Variants in MUC5B observed in about 807,000 individuals in gnomAD.
The protein encoded by MUC5B is mucin 5B, oligomeric mucus/gel-forming.
MUC5B carries 116 observed loss-of-function variants against 376.9 expected under a neutral mutation model. The observed-to-expected ratio is 0.31, with a 90% CI of 0.26 to 0.36. The LOEUF (loss-of-function observed/expected upper bound fraction) is 0.36, where lower values mean the gene tolerates loss of function less well. Among genes scored for constraint, MUC5B ranks in the 10% least tolerant of loss-of-function variants. The pLI is 1.00. For synonymous variants in MUC5B, 3,517 were observed against 3,390.9 expected (o/e 1.04, Z -1.29); for missense variants, 7,165 against 7,769.9 (o/e 0.92, Z 2.93).
chr11:1,223,537 A>G (rs1861807257), intron 1 of MUC5B: 1 of 410,582 alleles, frequency 2.4e-6, no homozygotes, highest in Non-Finnish European at 4.6e-6. Flanking sequence ...GTCTCTCTGG[A>G]GCCCCATGAG....
In MUC5B at chr11:1,256,717, C is replaced by A; in HGVS notation, c.16183C>A (p.Pro5395Thr). ...GGGGATGGCGGAGGGCTGCTTCTGCCCTGAGGACCAGATCCTCTTCAACGC... is the reference window on the plus strand; with the variant it reads ...GGGGATGGCGGAGGGCTGCTTCTGCACTGAGGACCAGATCCTCTTCAACGC... ...LEGMAEGCFC[P>T]EDQILFNAHM... The change falls in exon 39 of 49, where the codon CCT becomes ACT. Residue 5395 changes from proline to threonine, a missense_variant. Transcript: ENST00000529681. The A allele has an allele frequency of 6.4e-7, 1 of 1,564,998 alleles. No homozygotes were observed. The highest frequency in any genetic ancestry group is 1.9e-5 in the Admixed American group (1 of 52,478).
chr11:1,223,287 C>T lies in MUC5B; in HGVS notation c.70+94C>T, dbSNP rs759736424. The stretch of plus-strand genomic sequence containing the variant: ...CTGGGAGCTTCTCCTGCAGAGTGCA[C>T]GGGCAGATCCCCCTACGACTCCCTG... On this transcript the variant is annotated intron_variant, in intron 1 of 48. Transcript: ENST00000529681. 224 of 699,580 alleles carry T rather than the reference C, an allele frequency of 3.2e-4. 1 individual carries two copies. Among genetic ancestry groups the T allele is most frequent in the Admixed American group, 3.1e-3 (153 of 49,754 alleles). The allele number at this position is 699,580 out of a possible 1,614,324, so 43.3% of individuals were successfully genotyped here.
rs184426356 is a variant in MUC5B, at chr11:1,231,592, G to A, written c.1678+32G>A. On this transcript the variant is annotated intron_variant, in intron 14 of 48. Transcript: ENST00000529681. ...CTGGGCAGGGGCCTTCGGGGACAGG[G>A]CCATTGGGGACGGGGCCTGGACTAG... The A allele has an allele frequency of 4.4e-4, 677 of 1,545,384 alleles. 7 individuals carry two copies. The African/African-American group carries it at 8.3e-3, about 19-fold the overall frequency.
rs55943844 is a variant in MUC5B, at chr11:1,234,099, G to C, written c.2378-106G>C. On this transcript the variant is annotated intron_variant, in intron 19 of 48. Transcript: ENST00000529681. The surrounding 1 kb of genome is among the most constrained non-coding windows in gnomAD (Gnocchi z 6.3). ...GCAGGTGTCATGGAAGCTTTGGCTC[G>C]GGGGCTGTTAACTTGATCAGCAGGA... 3.1e-6 allele frequency: 3 copies of C among 976,234 alleles called. No homozygotes were observed. The allele number at this position is 976,234 out of a possible 1,614,324, so 60.5% of individuals were successfully genotyped here.
chr11:1,254,949 G>C, intron 35 of MUC5B, 69 bp downstream of exon 35: 1 of 847,662 alleles, frequency 1.2e-6, no homozygotes, highest in Non-Finnish European at 1.7e-6. Context: ...GAGCATAGGG[G>C]AAGCCTGGGG....
intron 7 of MUC5B, 121 bp from the exon 8 acceptor site, chr11:1,228,443 G>A: frequency 1.0e-6 from 1 of 961,648 alleles, no homozygotes; most frequent in Non-Finnish European, 1.5e-6. Context: ...GTGGGGCTGG[G>A]TACAAGGAAC....
Position 1,257,318 on chromosome 11 carries a change from T to TGAGG in MUC5B, c.16269+58_16269+61dup, listed in dbSNP as rs749117298. The TGAGG allele has an allele frequency of 3.8e-6, 3 of 792,026 alleles. No homozygotes were observed. The highest frequency in any genetic ancestry group is 2.7e-5 in the South Asian group (2 of 74,668). The allele number at this position is 792,026 out of a possible 1,614,324, so 49.1% of individuals were successfully genotyped here. Reference sequence around the variant, plus strand: ...TGCCCTACCCCACCCTCTCGCGAGCTGAGGGAGGGAGGGAAGGAGCATCCC... The same window carrying TGAGG: ...TGCCCTACCCCACCCTCTCGCGAGCTGAGGGAGGGAGGGAGGGAAGGAGCATCCC... On this transcript the variant is annotated intron_variant, in intron 40 of 48. Coordinates refer to ENST00000529681, the MANE Select transcript of MUC5B (RefSeq NM_002458.3). The surrounding 1 kb of genome is among the most constrained non-coding windows in gnomAD (Gnocchi z 8.9).
intron 11 of MUC5B, 114 bp downstream of exon 11, chr11:1,230,257 G>A (rs1380274799): frequency 2.8e-6 from 4 of 1,413,072 alleles, no homozygotes; most frequent in South Asian, 1.4e-5. Flanking sequence ...TCCCTGCTGA[G>A]GGGGGAGCCC....
intron 11 of MUC5B, 93 bp downstream of exon 11, chr11:1,230,236 A>G (rs935745720): frequency 4.1e-6 from 6 of 1,467,658 alleles, no homozygotes; most frequent in Non-Finnish European, 5.5e-6. Flanking sequence ...ATGGTCATAG[A>G]GGGGTGGATG....
chr11:1,256,183 A>T lies in MUC5B; in HGVS notation c.16094A>T (p.Tyr5365Phe), dbSNP rs772554531. The T allele has an allele frequency of 5.4e-6, 4 of 736,164 alleles. No individual in the cohort carries two copies. The highest frequency in any genetic ancestry group is 5.3e-5 in the East Asian group (2 of 38,078). 45.6% of individuals were successfully genotyped at this position (736,164 alleles called of 1,614,324 possible). A position where few individuals can be genotyped will look rare whatever the true frequency, so the allele number is the denominator to read the frequency against. The change falls in exon 38 of 49, where the codon TAC (tyrosine) becomes TTC (phenylalanine). Residue 5365 changes from tyrosine (Y) to phenylalanine (F), a missense_variant. Tyr to Phe is a conservative substitution (Grantham distance 22). Around this residue, in one of 31 missense-constraint regions of MUC5B, gnomAD observed 842 missense variants for 1,016.9 expected, o/e 0.83. Transcript: ENST00000529681. ...CTCACCTGCCCACCCACCAAAGTGTACAAGCCATGCGGCCCCATACAGCCT... is the reference window on the plus strand; with the variant it reads ...CTCACCTGCCCACCCACCAAAGTGTTCAAGCCATGCGGCCCCATACAGCCT... ...CDLTCPPTKV[Y>F]KPCGPIQPAT...
chr11:1,242,279 C>G lies in MUC5B; in HGVS notation c.5399C>G (p.Thr1800Ser). 6.2e-7 allele frequency: 1 copy of G among 1,613,900 alleles called. No individual in the cohort carries two copies. The highest frequency in any genetic ancestry group is 8.5e-7 in the Non-Finnish European group (1 of 1,179,890). ...WTEWFDVDFPTSGVAGGDMET... is the reference protein window; with the variant it reads ...WTEWFDVDFPSSGVAGGDMET... ...GAGTGGTTTGACGTGGACTTCCCAA[C>G]CTCAGGGGTTGCAGGCGGGGACATG... Residue 1800 changes from threonine (T) to serine (S), a missense_variant, in exon 31 of 49, where the codon ACC becomes AGC. Around this residue, in one of 31 missense-constraint regions of MUC5B, gnomAD observed 897 missense variants for 779.6 expected, o/e 1.15. Transcript: ENST00000529681.
Position 1,234,344 on chromosome 11 carries a change from G to T in MUC5B, c.2478+39G>T. Reference sequence around the variant, plus strand: ...TTCAGGGAGGGGTGGGCAGGGAAGGGGTCCCAGCTTTCCCAGCTCCCGAGC... The same window carrying T: ...TTCAGGGAGGGGTGGGCAGGGAAGGTGTCCCAGCTTTCCCAGCTCCCGAGC... On this transcript the variant is annotated intron_variant, in intron 20 of 48. Transcript: ENST00000529681. The surrounding 1 kb of genome is among the most constrained non-coding windows in gnomAD (Gnocchi z 6.3). 6.5e-7 allele frequency: 1 copy of T among 1,538,326 alleles called. No homozygotes were observed. Among genetic ancestry groups the T allele is most frequent in the East Asian group, 2.4e-5 (1 of 42,440 alleles).
At chr11:1,224,482 G>A (rs1404591729) in intron 1 of MUC5B, among the ~76,000 whole-genome samples, 2 of 142,014 alleles carry the variant, frequency 1.4e-5, no homozygotes, top group East Asian at 2.1e-4. Flanking sequence ...GGGAGGGGTT[G>A]CCTGGGTTGG....
At position 1,246,053 on chromosome 11, in the gene MUC5B, C is replaced by G. The variant is rs372584786; in HGVS notation, c.9173C>G (p.Ala3058Gly). 3 of 1,612,910 alleles carry G rather than the reference C, an allele frequency of 1.9e-6. No homozygotes were observed. In the African/African-American group the frequency reaches 4.0e-5, roughly 22 times the overall value. Residue 3058 changes from alanine (A) to glycine (G), a missense_variant, in exon 31 of 49, where the codon GCC becomes GGC. Physicochemically the swap from Ala to Gly is moderately conservative, Grantham distance 60. Transcript: ENST00000529681. The part of the protein sequence containing the change: ...ATTLPVLTST[A>G]TKSTATSFTP... The stretch of plus-strand genomic sequence containing the variant: ...ACCCTTCCAGTGCTGACAAGCACAG[C>G]CACCAAATCCACAGCTACCAGCTTT...
chr11:1,253,985 G>T lies in MUC5B; in HGVS notation c.15218-107G>T. On this transcript the variant is annotated intron_variant, in intron 33 of 48. Coordinates refer to ENST00000529681, the MANE Select transcript of MUC5B (RefSeq NM_002458.3). The surrounding 1 kb of genome is among the most constrained non-coding windows in gnomAD (Gnocchi z 4.3). ...GGCAGCTGAGGCCCCAGGGGCTTCA[G>T]TGGCTCCCCAAGGCGGCAGTCACAG... The T allele has an allele frequency of 4.1e-6, 6 of 1,472,634 alleles. No individual in the cohort carries two copies. Among genetic ancestry groups the T allele is most frequent in the Non-Finnish European group, 5.4e-6 (6 of 1,102,338 alleles). The allele number at this position is 1,472,634 out of a possible 1,614,324, so 91.2% of individuals were successfully genotyped here.
In MUC5B at chr11:1,250,397, C is replaced by A; in HGVS notation, c.13517C>A (p.Ala4506Asp). ...TPSSSPGTAT[A>D]LPALRSTATT... ...TCCTCCAGTCCAGGGACTGCAACTGCCCTTCCAGCACTGAGAAGCACAGCC... is the reference window on the plus strand; with the variant it reads ...TCCTCCAGTCCAGGGACTGCAACTGACCTTCCAGCACTGAGAAGCACAGCC... Residue 4506 changes from alanine to aspartate, a missense_variant, in exon 31 of 49, where the codon GCC becomes GAC. By Grantham distance (126) the Ala-to-Asp change is moderately radical. Coordinates refer to ENST00000529681, the MANE Select transcript of MUC5B (RefSeq NM_002458.3). The A allele has an allele frequency of 6.2e-7, 1 of 1,613,298 alleles. No individual in the cohort carries two copies. The highest frequency in any genetic ancestry group is 8.5e-7 in the Non-Finnish European group (1 of 1,179,592).
intron 5 of MUC5B, 40 bp downstream of exon 5, chr11:1,227,185 C>A: frequency 6.3e-7 from 1 of 1,589,986 alleles, no homozygotes; most frequent in Non-Finnish European, 8.6e-7. Flanking sequence ...TCAGGCCTGG[C>A]CACAAAACCC....
At position 1,237,052 on chromosome 11, in the gene MUC5B, C is replaced by A; in HGVS notation, c.3185C>A (p.Pro1062Gln). 6.3e-7 allele frequency: 1 copy of A among 1,581,790 alleles called. No homozygotes were observed. Among genetic ancestry groups the A allele is most frequent in the Non-Finnish European group, 8.6e-7 (1 of 1,162,660 alleles). The change falls in exon 25 of 49, where the codon CCG becomes CAG. Residue 1062 changes from proline (P) to glutamine (Q), a missense_variant. By Grantham distance (76) the Pro-to-Gln change is moderately conservative. This residue lies in a region of MUC5B where 143 missense variants were observed against 193.2 expected (regional missense o/e 0.74). Coordinates refer to ENST00000529681, the MANE Select transcript of MUC5B (RefSeq NM_002458.3). ...GNSWKLSPSC[P>Q]DALAPKDPCT... ...AGCTGGAAGCTCTCCCCCTCCTGCC[C>A]GGACGCCCTGGCACCCAAGGACCCC...
intron 48 of MUC5B, among the ~76,000 whole-genome samples, chr11:1,261,009 A>T (rs1450686114): frequency 1.3e-5 from 2 of 152,258 alleles, no homozygotes. Context: ...GGGTGGGTGG[A>T]ACCAGAGCCT....
Sources: gnomAD v4.1 joint callset for allele counts (sites outside exome capture counted in the v4.1 genomes callset) on GRCh38, gnomAD v4.1.1 for gene constraint, gnomAD v4.1.1 regional missense constraint, Gnocchi (gnomAD v3.1) non-coding constraint, MANE v1.5 for transcripts, NCBI Gene and HGNC (gene_info 2026-07-23, HGNC 2026-07-21) for gene names.